Variants in RNF135 observed in about 807,000 individuals in gnomAD.
RNF135 encodes ring finger protein 135.
RNF135 carries 46 observed loss-of-function variants against 41.9 expected under a neutral mutation model. The observed-to-expected ratio is 1.10, with a 90% CI of 0.87 to 1.40. RNF135 has a LOEUF of 1.40. Among genes scored for constraint, RNF135 ranks in the 40% most tolerant of loss-of-function variants. The pLI is 0.00. For synonymous variants in RNF135, 238 were observed against 223.8 expected, an observed-to-expected ratio of 1.06 and a Z score of -0.57; for missense variants, 539 against 549.8, an observed-to-expected ratio of 0.98 and a Z score of 0.20.
chr17:30,992,006 A>T (rs892026375), intron 3 of RNF135, among the ~76,000 whole-genome samples: 2 of 149,702 alleles, frequency 1.3e-5, no homozygotes, highest in Admixed American at 6.7e-5. Context: ...GATCTGGCTC[A>T]CTGTAATATC....
chr17:30,974,355 GT>G (rs1309018223), intron 1 of RNF135, among the ~76,000 whole-genome samples: 2 of 151,554 alleles, frequency 1.3e-5, no homozygotes, highest in African/African-American at 4.8e-5. Flanking sequence ...TTTGTTTTTT[GT>G]TTTTTTTCCC....
intron 2 of RNF135, among the ~76,000 whole-genome samples, chr17:30,986,075 G>A (rs1662295942): frequency 1.3e-5 from 2 of 152,130 alleles, no homozygotes; most frequent in Admixed American, 6.6e-5. Context: ...AGGCTCTGAG[G>A]ACTCCATGTA....
rs558483283 is a variant in RNF135, at chr17:30,976,033, G to A, written c.372+4588G>A. The stretch of plus-strand genomic sequence containing the variant: ...TTTTTGTTTGTTTTTTTGAGATGGC[G>A]TCTCGCTCTGTTGCCAGACTGGAGT... On this transcript the variant is annotated intron_variant, in intron 1 of 4. Coordinates refer to ENST00000328381, the MANE Select transcript of RNF135 (RefSeq NM_032322.4). The A allele has an allele frequency of 7.2e-5, 19 of 265,006 alleles. No homozygotes were observed. The East Asian group carries it at 1.2e-3, about 17-fold the overall frequency. 16.4% of individuals were successfully genotyped at this position (265,006 alleles called of 1,614,324 possible).
intron 2 of RNF135, among the ~76,000 whole-genome samples, chr17:30,986,716 C>T (rs952332027): frequency 6.6e-6 from 1 of 152,188 alleles, no homozygotes; most frequent in Non-Finnish European, 1.5e-5. Flanking sequence ...CATCTATCTG[C>T]GTCTCAGGTT....
chr17:30,975,533 G>A, intron 1 of RNF135: 1 of 778,376 alleles, frequency 1.3e-6, no homozygotes, highest in Non-Finnish European at 2.4e-6. Context: ...GAAATAAATG[G>A]CCTCGAAAAT....
At chr17:30,985,603 C>T (rs1030844843) in intron 2 of RNF135, among the ~76,000 whole-genome samples, 11 of 152,156 alleles carry the variant, frequency 7.2e-5, no homozygotes, top group African/African-American at 2.4e-4. Context: ...CTAATCCAAG[C>T]CTCTGATAAT....
intron 3 of RNF135, among the ~76,000 whole-genome samples, chr17:30,995,346 C>G (rs1219069219): frequency 6.6e-6 from 1 of 151,958 alleles, no homozygotes; most frequent in African/African-American, 2.4e-5. Flanking sequence ...TGAGATTGCG[C>G]CATCGCACTC....
intron 1 of RNF135, among the ~76,000 whole-genome samples, chr17:30,983,484 G>T (rs1409271905): frequency 6.7e-6 from 1 of 149,822 alleles, no homozygotes; most frequent in Non-Finnish European, 1.5e-5. Flanking sequence ...CTCCCAAGTA[G>T]CTGGGATTAT....
chr17:30,983,353 A>ATATATATTTTTTTTTTT (rs1420453160), intron 1 of RNF135, among the ~76,000 whole-genome samples: 2 of 35,738 alleles, frequency 5.6e-5, no homozygotes, highest in Non-Finnish European at 5.4e-5. Context: ...ATATATATAT[A>ATATATATTTTTTTTTTT]TTTTTTTTTT....
chr17:30,977,119 T>A (rs548867204), intron 1 of RNF135, among the ~76,000 whole-genome samples: 15 of 152,318 alleles, frequency 9.8e-5, no homozygotes, highest in African/African-American at 3.1e-4. Context: ...GATTTTTGAT[T>A]TGAGGTTACC....
rs1189045193 is a variant in RNF135, at chr17:30,984,107, T to G, written c.373-510T>G. Among the ~76,000 whole-genome samples the G allele has an allele frequency of 2.0e-5, 3 of 152,234 alleles. No individual in the cohort carries two copies. In the East Asian group the frequency reaches 5.8e-4, roughly 29 times the overall value. ...TCTTCCATTTTTGTGGATTGCCTTT[T>G]TACTCTATTGTTCGTGTCTTTTGAT... On this transcript the variant is annotated intron_variant, in intron 1 of 4. Transcript: ENST00000328381.
chr17:30,982,162 A>G (rs900131785), intron 1 of RNF135, among the ~76,000 whole-genome samples: 8 of 152,220 alleles, frequency 5.3e-5, no homozygotes, highest in African/African-American at 1.9e-4. Flanking sequence ...GGGCCGGTCC[A>G]GAGACCCATC....
upstream of RNF135, chr17:30,970,404 T>C (rs1382915472): frequency 6.6e-6 from 1 of 152,554 alleles, no homozygotes; most frequent in Non-Finnish European, 1.5e-5. Context: ...AGCGCACAAC[T>C]CTGCATTATA....
At position 30,978,141 on chromosome 17, in the gene RNF135, C is replaced by A. The variant is rs184196282; in HGVS notation, c.373-6476C>A. On this transcript the variant is annotated intron_variant, in intron 1 of 4. Transcript: ENST00000328381. ...CCCTTGTATATTATTTATTTCTTTTCTCTTGCTGCTTTAGGATCCTTTCTT... is the reference window on the plus strand; with the variant it reads ...CCCTTGTATATTATTTATTTCTTTTATCTTGCTGCTTTAGGATCCTTTCTT... Among the ~76,000 whole-genome samples the A allele has an allele frequency of 3.3e-5, 5 of 152,200 alleles. No individual in the cohort carries two copies. In the East Asian group the frequency reaches 9.6e-4, roughly 29 times the overall value.
chr17:30,974,590 A>ATT (rs200291202), intron 1 of RNF135, among the ~76,000 whole-genome samples: 36 of 144,060 alleles, frequency 2.5e-4, no homozygotes, highest in African/African-American at 9.1e-4. Context: ...TCCTTCAGTG[A>ATT]TTTTTTTTTT....
chr17:30,991,026 G>T (rs1280999823), intron 3 of RNF135, among the ~76,000 whole-genome samples: 1 of 152,192 alleles, frequency 6.6e-6, no homozygotes, highest in Non-Finnish European at 1.5e-5. Context: ...GCCAGTGAAG[G>T]TTGCTGGGTC....
At chr17:30,963,908 A>C in the RNF135 span, among the ~76,000 whole-genome samples, 1 of 152,142 alleles carries the variant, frequency 6.6e-6, no homozygotes, top group Non-Finnish European at 1.5e-5. Context: ...TGAGGCCAGG[A>C]GTTTGAGACC....
intron 3 of RNF135, among the ~76,000 whole-genome samples, chr17:30,992,732 G>T (rs1811259432): frequency 6.6e-6 from 1 of 152,084 alleles, no homozygotes; most frequent in Non-Finnish European, 1.5e-5. Flanking sequence ...TGCTTGAGTA[G>T]GTGGGACTGC....
intron 1 of RNF135, chr17:30,971,658 T>C (rs904000081): frequency 7.4e-7 from 1 of 1,350,172 alleles, no homozygotes; most frequent in South Asian, 1.9e-5. Flanking sequence ...TTCCGAAAGC[T>C]TGTCAACTTA....
Sources: gnomAD v4.1 joint callset for allele counts (sites outside exome capture counted in the v4.1 genomes callset) on GRCh38, gnomAD v4.1.1 for gene constraint, MANE v1.5 for transcripts, NCBI Gene and HGNC (gene_info 2026-07-23, HGNC 2026-07-21) for gene names.